Variants in CACHD1 observed in about 807,000 individuals in gnomAD.
The protein encoded by CACHD1 is cache domain containing 1, also known as VWFA and cache domain-containing protein 1.
A neutral mutation model predicts 138.7 loss-of-function variants in CACHD1; 71 were observed. That is an observed-to-expected ratio of 0.51 (90% CI 0.42 to 0.62). The LOEUF (loss-of-function observed/expected upper bound fraction) is 0.62. CACHD1 is among the 20% of genes least tolerant of loss of function. The pLI, the probability that CACHD1 is intolerant of heterozygous loss-of-function variation, is 0.00. For synonymous variants in CACHD1, 578 were observed against 591.5 expected, an observed-to-expected ratio of 0.98 and a Z score of 0.33; for missense variants, 1,389 against 1,625.3, an observed-to-expected ratio of 0.85 and a Z score of 2.50.
intron 1 of CACHD1, among the ~76,000 whole-genome samples, chr1:64,517,858 G>C (rs1406068953): frequency 6.6e-6 from 1 of 152,156 alleles, no homozygotes; most frequent in Non-Finnish European, 1.5e-5. Context: ...ACCACCCCAG[G>C]GTAGCTGCCC....
chr1:64,590,626 T>C (rs1241729795), intron 3 of CACHD1, among the ~76,000 whole-genome samples: 19 of 152,168 alleles, frequency 1.2e-4, no homozygotes. Flanking sequence ...AAGATACAAT[T>C]TCCATTCTTA....
chr1:64,556,208 T>G (rs1322684131), intron 2 of CACHD1, among the ~76,000 whole-genome samples: 1 of 152,218 alleles, frequency 6.6e-6, no homozygotes, highest in Non-Finnish European at 1.5e-5. Context: ...CTGCTTTCAC[T>G]TTGTTTGAGG....
At chr1:64,653,972 C>A in intron 11 of CACHD1, 91 bp downstream of exon 11, 1 of 1,097,578 alleles carries the variant, frequency 9.1e-7, no homozygotes, top group African/African-American at 1.6e-5. Flanking sequence ...GAGTATAAAA[C>A]AAGTGTATAA....
At chr1:64,551,097 G>A (rs541006428) in intron 2 of CACHD1, among the ~76,000 whole-genome samples, 10 of 152,244 alleles carry the variant, frequency 6.6e-5, no homozygotes, top group Admixed American at 2.6e-4. Context: ...ACATAATACT[G>A]CCTTATGGGG....
chr1:64,519,524 C>T (rs936679492), intron 1 of CACHD1, among the ~76,000 whole-genome samples: 1 of 152,176 alleles, frequency 6.6e-6, no homozygotes, highest in Non-Finnish European at 1.5e-5. Flanking sequence ...ACCTACCAAA[C>T]TATCTGGTAA....
intron 1 of CACHD1, among the ~76,000 whole-genome samples, chr1:64,508,801 G>A (rs1646396944): frequency 6.6e-6 from 1 of 152,154 alleles, no homozygotes; most frequent in Admixed American, 6.5e-5. Flanking sequence ...GCCGCAGGCT[G>A]TTTATTACTC....
At chr1:64,535,701 G>A (rs1048911949) in intron 1 of CACHD1, among the ~76,000 whole-genome samples, 2 of 152,126 alleles carry the variant, frequency 1.3e-5, no homozygotes, top group South Asian at 2.1e-4. Context: ...CAGTAGAAAT[G>A]TCTCCATTTG....
At chr1:64,622,575 T>C (rs1348561649) in intron 4 of CACHD1, among the ~76,000 whole-genome samples, 1 of 152,230 alleles carries the variant, frequency 6.6e-6, no homozygotes, top group East Asian at 1.9e-4. Flanking sequence ...TTATTCTGCC[T>C]CTCAAGAATA....
At chr1:64,593,900 C>T (rs1363173738) in intron 3 of CACHD1, among the ~76,000 whole-genome samples, 2 of 152,174 alleles carry the variant, frequency 1.3e-5, no homozygotes, top group Non-Finnish European at 2.9e-5. Flanking sequence ...TCATATGTTT[C>T]TCTGAACAAC....
intron 1 of CACHD1, among the ~76,000 whole-genome samples, chr1:64,472,168 G>C (rs1377052168): frequency 7.4e-6 from 1 of 134,254 alleles, no homozygotes; most frequent in Non-Finnish European, 1.6e-5. Context: ...TTGGGATTTA[G>C]GTTTCTTACT....
chr1:64,665,905 T>C, intron 15 of CACHD1, 152 bp from the exon 16 acceptor site: 5 of 396,140 alleles, frequency 1.3e-5, no homozygotes, highest in Non-Finnish European at 2.3e-5. Context: ...TTGGAGAGGC[T>C]GAGGCAGGAG....
intron 3 of CACHD1, among the ~76,000 whole-genome samples, chr1:64,593,268 G>A (rs962826318): frequency 6.6e-6 from 1 of 152,112 alleles, no homozygotes; most frequent in Non-Finnish European, 1.5e-5. Flanking sequence ...TTTTAATGTT[G>A]TATTAATGTA....
At chr1:64,489,404 G>A (rs181555773) in intron 1 of CACHD1, among the ~76,000 whole-genome samples, 3 of 152,206 alleles carry the variant, frequency 2.0e-5, no homozygotes, top group Non-Finnish European at 2.9e-5. Context: ...CAAAGGAGGC[G>A]AGAGATATGG....
intron 1 of CACHD1, among the ~76,000 whole-genome samples, chr1:64,504,815 A>C (rs958902040): frequency 8.5e-5 from 13 of 152,142 alleles, no homozygotes; most frequent in African/African-American, 3.1e-4. Flanking sequence ...CCCTTTTACA[A>C]AGCCGGCAGT....
chr1:64,671,544 T>C lies in CACHD1; in HGVS notation c.2388-20T>C, dbSNP rs1310602010. On this transcript the variant is annotated intron_variant, in intron 16 of 26. Transcript: ENST00000651257. ...AAATAAGCCATGCCTATTGTTCTCA[T>C]TGATCTTTTTCACTTAAAGTACACA... is the stretch of plus-strand genomic sequence containing the variant. 5 of 1,613,612 alleles carry C rather than the reference T, an allele frequency of 3.1e-6. No homozygotes were observed. Among genetic ancestry groups the C allele is most frequent in the South Asian group, 1.1e-5 (1 of 91,064 alleles).
chr1:64,613,639 T>TCTTTTTTGAAA (rs1557519702), intron 4 of CACHD1: 1 of 152,158 alleles, frequency 6.6e-6, no homozygotes, highest in Non-Finnish European at 1.5e-5. Flanking sequence ...TTTTTGAAAC[T>TCTTTTTTGAAA]CTCTTATCAT....
intron 1 of CACHD1, among the ~76,000 whole-genome samples, chr1:64,524,771 G>A (rs1646523960): frequency 6.6e-6 from 1 of 152,188 alleles, no homozygotes; most frequent in African/African-American, 2.4e-5. Flanking sequence ...AACTCTGGAA[G>A]CAAAGACACA....
chr1:64,540,821 G>A (rs928807271), intron 1 of CACHD1, among the ~76,000 whole-genome samples: 1 of 152,158 alleles, frequency 6.6e-6, no homozygotes, highest in Non-Finnish European at 1.5e-5. Flanking sequence ...GCAGCCCTTT[G>A]TAAAGGTGAC....
chr1:64,559,119 C>G (rs1040943187), intron 2 of CACHD1, among the ~76,000 whole-genome samples: 1 of 152,164 alleles, frequency 6.6e-6, no homozygotes, highest in Non-Finnish European at 1.5e-5. Flanking sequence ...ATGGAACTAT[C>G]ATTTGATCCA....
Sources: allele counts gnomAD v4.1 joint callset (sites outside exome capture counted in the v4.1 genomes callset), GRCh38; gene constraint gnomAD v4.1.1; transcripts MANE v1.5; gene names NCBI Gene and HGNC (gene_info 2026-07-23, HGNC 2026-07-21).